Variants in VPS35 observed in about 807,000 individuals in gnomAD.
VPS35 encodes vacuolar protein sorting-associated protein 35.
VPS35 carries 21 observed loss-of-function variants against 98.1 expected under a neutral mutation model. That is an observed-to-expected ratio of 0.21 (90% CI 0.15 to 0.31). The LOEUF (loss-of-function observed/expected upper bound fraction) is 0.31. Among genes scored for constraint, VPS35 ranks in the 10% least tolerant of loss-of-function variants. The pLI is 1.00. For synonymous variants in VPS35, 268 were observed against 318.2 expected (o/e 0.84, Z 1.68); for missense variants, 554 against 950.8 (o/e 0.58, Z 5.49).
At position 46,688,934 on chromosome 16, in the gene VPS35, G is replaced by A. The variant is rs1302621442; in HGVS notation, c.3+197C>T. On this transcript the variant is annotated intron_variant, in intron 1 of 16. Coordinates refer to ENST00000299138, the MANE Select transcript of VPS35 (RefSeq NM_018206.6). ...TCAGCAACGGCCGCAGCCAAGAGCC[G>A]CCGCCCACCCCGGCCCGGATCAGCC... 5 of 1,470,104 alleles carry A rather than the reference G, an allele frequency of 3.4e-6. No homozygotes were observed. In the South Asian group the frequency reaches 4.0e-5, roughly 12 times the overall value. 91.1% of individuals were successfully genotyped at this position (1,470,104 alleles called of 1,614,324 possible).
intron 5 of VPS35, 116 bp downstream of exon 5, chr16:46,680,555 A>ACTT: frequency 8.9e-7 from 1 of 1,120,884 alleles, no homozygotes; most frequent in Non-Finnish European, 1.3e-6. Flanking sequence ...TGCTACCTAA[A>ACTT]TGGCTGACTG....
chr16:46,666,114 G>C (rs1965985178), intron 13 of VPS35, among the ~76,000 whole-genome samples: 1 of 151,952 alleles, frequency 6.6e-6, no homozygotes, highest in African/African-American at 2.4e-5. Flanking sequence ...ATGTTGGCCA[G>C]GCTGGTCTCA....
chr16:46,674,173 C>T, intron 10 of VPS35, 141 bp downstream of exon 10: 2 of 921,524 alleles, frequency 2.2e-6, no homozygotes, highest in African/African-American at 1.7e-5. Flanking sequence ...ACTTTCTGCC[C>T]CTAGTAGTGC....
At chr16:46,678,861 G>A (rs182744270) in intron 6 of VPS35, 82 bp downstream of exon 6, 6 of 1,447,572 alleles carry the variant, frequency 4.1e-6, no homozygotes, top group East Asian at 4.6e-5. Flanking sequence ...ATGTACTATT[G>A]TATAACAAAA....
intron 2 of VPS35, 140 bp downstream of exon 2, chr16:46,683,368 G>C: frequency 1.3e-6 from 1 of 796,810 alleles, no homozygotes; most frequent in Non-Finnish European, 2.1e-6. Flanking sequence ...CAAAGTGCTT[G>C]AGGGAGATGA....
intron 1 of VPS35, among the ~76,000 whole-genome samples, chr16:46,686,214 T>C (rs1342028544): frequency 6.6e-6 from 1 of 152,182 alleles, no homozygotes; most frequent in African/African-American, 2.4e-5. Flanking sequence ...GTGCCAGAAT[T>C]TCCCTCCTTT....
chr16:46,674,031 G>C (rs367620822), intron 10 of VPS35: 3 of 420,798 alleles, frequency 7.1e-6, no homozygotes, highest in African/African-American at 2.0e-5. Flanking sequence ...GTGCAGCCCA[G>C]GGAAGCCAAA....
At chr16:46,687,746 G>C (rs1274639769) in intron 1 of VPS35, among the ~76,000 whole-genome samples, 1 of 152,166 alleles carries the variant, frequency 6.6e-6, no homozygotes, top group Admixed American at 6.5e-5. Context: ...AAGGGCCAAA[G>C]GGGCCGCCAA....
Position 46,672,405 on chromosome 16 carries a change from T to C in VPS35, c.1228A>G (p.Asn410Asp). Residue 410 changes from asparagine (N) to aspartate (D), a missense_variant, in exon 11 of 17, where the codon AAC (asparagine) becomes GAC (aspartate). By Grantham distance (23) the Asn-to-Asp change is conservative. This residue lies in a region of VPS35 where 254 missense variants were observed against 390.1 expected (regional missense o/e 0.65). Coordinates refer to ENST00000299138, the MANE Select transcript of VPS35 (RefSeq NM_018206.6). ...RLLKIPVDTY[N>D]NILTVLKLKH... ...AATTTCAAGACTGTTAAAATATTGT[T>C]GTAAGTGTCAACTGGTATTTTCAAA... is the stretch of plus-strand genomic sequence containing the variant. The C allele has an allele frequency of 6.2e-7, 1 of 1,613,734 alleles. No individual in the cohort carries two copies. Among genetic ancestry groups the C allele is most frequent in the Non-Finnish European group, 8.5e-7 (1 of 1,179,880 alleles).
In VPS35 at chr16:46,660,246, C is replaced by A; in HGVS notation, c.*226G>T. On this transcript the variant is annotated 3_prime_UTR_variant, in exon 17 of 17. Coordinates refer to ENST00000299138, the MANE Select transcript of VPS35 (RefSeq NM_018206.6). ...CAGGAATTTTAAATTGCAGATCAGTCATGCTACTTGGGGTGATCAGAAAGA... is the reference window on the plus strand; with the variant it reads ...CAGGAATTTTAAATTGCAGATCAGTAATGCTACTTGGGGTGATCAGAAAGA... The A allele has an allele frequency of 1.0e-5, 2 of 194,794 alleles. No homozygotes were observed. Among genetic ancestry groups the A allele is most frequent in the Non-Finnish European group, 1.9e-5 (2 of 106,602 alleles). 12.1% of individuals were successfully genotyped at this position (194,794 alleles called of 1,614,324 possible). A position where few individuals can be genotyped will look rare whatever the true frequency, so the allele number is the denominator to read the frequency against.
At position 46,660,194 on chromosome 16, in the gene VPS35, T is replaced by TTG. The variant is rs886052007; in HGVS notation, c.*277_*278insCA. ...GATAAGTGCTTGTGGGTTTTGTGTT[T>TTG]TTTTTTTTTTTTTTTTTTACAGATC... is the stretch of plus-strand genomic sequence containing the variant. On this transcript the variant is annotated 3_prime_UTR_variant, in exon 17 of 17. Transcript: ENST00000299138. 2.8e-4 allele frequency: 53 copies of TTG among 187,848 alleles called. 7 individuals are homozygous for TTG. The highest frequency in any genetic ancestry group is 6.3e-4 in the Admixed American group (10 of 15,826). The allele number at this position is 187,848 out of a possible 1,614,324, so 11.6% of individuals were successfully genotyped here. A position where few individuals can be genotyped will look rare whatever the true frequency, so the allele number is the denominator to read the frequency against.
In VPS35 at chr16:46,671,832, G is replaced by A. The variant is rs781327081; in HGVS notation, c.1397C>T (p.Thr466Met). The change falls in exon 12 of 17, where the codon ACG becomes ATG. Residue 466 changes from threonine to methionine, a missense_variant. Around this residue, in one of 5 missense-constraint regions of VPS35, gnomAD observed 254 missense variants for 390.1 expected, o/e 0.65. Coordinates refer to ENST00000299138, the MANE Select transcript of VPS35 (RefSeq NM_018206.6). The stretch of plus-strand genomic sequence containing the variant: ...TTGATCTGGCTGATCTTGAATCAAC[G>A]TGGATACCAAATTCATTATGGAATC... The part of the protein sequence containing the change: ...QVDSIMNLVS[T>M]LIQDQPDQPV... 11 of 1,612,986 alleles carry A rather than the reference G, an allele frequency of 6.8e-6. No homozygotes were observed. The highest frequency in any genetic ancestry group is 1.9e-4 in the Middle Eastern group (1 of 5,350).
chr16:46,660,651 C>G lies in VPS35; in HGVS notation c.2212G>C (p.Val738Leu). 1 of 1,612,992 alleles carries G rather than the reference C, an allele frequency of 6.2e-7. No homozygotes were observed. The highest frequency in any genetic ancestry group is 8.5e-7 in the Non-Finnish European group (1 of 1,179,730). Residue 738 changes from valine to leucine, a missense_variant and splice_region_variant, in exon 17 of 17, where the codon GTA (valine) becomes CTA (leucine). This residue lies in a region of VPS35 where 153 missense variants were observed against 211.0 expected (regional missense o/e 0.73). Coordinates refer to ENST00000299138, the MANE Select transcript of VPS35 (RefSeq NM_018206.6). The part of the protein sequence containing the change: ...IYFYEKENDA[V>L]TIQVLNQLIQ... Reference sequence around the variant, plus strand: ...AGCTGGTTTAAAACCTGAATTGTTACCTACAAAAGAATATGTACAAATTCA... The same window carrying G: ...AGCTGGTTTAAAACCTGAATTGTTAGCTACAAAAGAATATGTACAAATTCA...
intron 14 of VPS35, 132 bp from the exon 15 acceptor site, chr16:46,662,614 T>C: frequency 2.2e-6 from 3 of 1,393,456 alleles, no homozygotes; most frequent in Middle Eastern, 4.9e-4. Flanking sequence ...TGCTGCACCC[T>C]CTCTTGAGAG....
rs765978232 is a variant in VPS35 at position 46,662,247 on chromosome 16, T to C, written c.2063A>G (p.Glu688Gly). ...WSGRNTDKNG[E>G]ELHGGKRVME... The stretch of plus-strand genomic sequence containing the variant: ...TGCAGTCAGGAATGACCTTACCTCC[T>C]CCCCATTTTTGTCCGTGTTTCTGCC... Residue 688 changes from glutamate to glycine, a missense_variant, in exon 15 of 17, where the codon GAG becomes GGG. By Grantham distance (98) the Glu-to-Gly change is moderately conservative. Around this residue, in one of 5 missense-constraint regions of VPS35, gnomAD observed 153 missense variants for 211.0 expected, o/e 0.73. Transcript: ENST00000299138. 6.2e-7 allele frequency: 1 copy of C among 1,614,072 alleles called. No homozygotes were observed. Among genetic ancestry groups the C allele is most frequent in the Admixed American group, 1.7e-5 (1 of 60,002 alleles).
chr16:46,673,762 G>A, intron 10 of VPS35: 1 of 154,638 alleles, frequency 6.5e-6, no homozygotes, highest in Non-Finnish European at 1.4e-5. Context: ...TGATTCGTAG[G>A]AAAACACCAC....
chr16:46,668,735 T>G (rs757689370), intron 13 of VPS35, among the ~76,000 whole-genome samples, 195 bp downstream of exon 13: 8 of 152,210 alleles, frequency 5.3e-5, no homozygotes, highest in Non-Finnish European at 8.8e-5. Flanking sequence ...CCTCAGTATG[T>G]GATCCACCAC....
chr16:46,669,290 C>T, intron 12 of VPS35: 1 of 540,760 alleles, frequency 1.8e-6, no homozygotes, highest in Non-Finnish European at 3.3e-6. Flanking sequence ...GTATAACCTG[C>T]CCAAGGTAGC....
chr16:46,669,474 C>T (rs2143007066), intron 12 of VPS35, among the ~76,000 whole-genome samples: 1 of 152,126 alleles, frequency 6.6e-6, no homozygotes, highest in South Asian at 2.1e-4. Context: ...CGAGACCAGC[C>T]TGGCCAACAT....
Sources: gnomAD v4.1 joint callset for allele counts (sites outside exome capture counted in the v4.1 genomes callset) on GRCh38, gnomAD v4.1.1 for gene constraint, gnomAD v4.1.1 regional missense constraint, MANE v1.5 for transcripts, NCBI Gene and HGNC (gene_info 2026-07-23, HGNC 2026-07-21) for gene names.